HHIPL1: variants seen among roughly 807,000 people sequenced by gnomAD.
HHIPL1 encodes the protein HHIP like 1, also known as HHIP-like protein 1.
HHIPL1 carries 43 observed loss-of-function variants against 61.8 expected under a neutral mutation model. The ratio of observed to expected loss-of-function variants is 0.70; its 90% CI spans 0.55 to 0.90. The LOEUF is 0.90. Ranked by LOEUF, HHIPL1 falls within the 40% of genes least tolerant of loss-of-function variation. The probability of loss-of-function intolerance (pLI) is 0.00; values close to 1 mark genes in which losing one functional copy is unlikely to be tolerated. For missense variants in HHIPL1, 1,056 were observed against 1,157.7 expected, an observed-to-expected ratio of 0.91 and a Z score of 1.28; for synonymous variants, 482 against 515.8, an observed-to-expected ratio of 0.93 and a Z score of 0.89.
intron 2 of HHIPL1, among the ~76,000 whole-genome samples, chr14:99,654,751 C>A (rs183731369): frequency 3.5e-4 from 53 of 152,300 alleles, no homozygotes; most frequent in Middle Eastern, 3.4e-3. Context: ...TGACTATGAG[C>A]TTCCTGGCAG....
intron 2 of HHIPL1, among the ~76,000 whole-genome samples, chr14:99,655,138 G>C (rs778929742): frequency 6.6e-6 from 1 of 152,114 alleles, no homozygotes; most frequent in Non-Finnish European, 1.5e-5. Flanking sequence ...TCCCAATGCC[G>C]GGTGGATGAC....
intron 1 of HHIPL1, 31 bp downstream of exon 1, chr14:99,645,493 G>C: frequency 7.9e-7 from 1 of 1,260,986 alleles, no homozygotes; most frequent in Non-Finnish European, 9.9e-7. Context: ...CGGGCGGGGC[G>C]GGGCGCGGGA....
chr14:99,663,333 G>A (rs1056354179), intron 6 of HHIPL1, among the ~76,000 whole-genome samples: 4 of 152,216 alleles, frequency 2.6e-5, no homozygotes, highest in Non-Finnish European at 5.9e-5. Context: ...GCTGCTGGTT[G>A]CCCACTTTTA....
the HHIPL1 span, among the ~76,000 whole-genome samples, chr14:99,634,216 G>A: frequency 6.6e-6 from 1 of 152,148 alleles, no homozygotes; most frequent in African/African-American, 2.4e-5. Flanking sequence ...GTCTGTGCAA[G>A]TGTGTGCACT....
chr14:99,615,033 G>A, the HHIPL1 span, among the ~76,000 whole-genome samples: 1 of 152,080 alleles, frequency 6.6e-6, no homozygotes, highest in African/African-American at 2.4e-5. Context: ...ACCATGGTGC[G>A]TAGAGTGCGG....
the HHIPL1 span, among the ~76,000 whole-genome samples, chr14:99,623,268 C>G: frequency 1.3e-5 from 2 of 152,198 alleles, no homozygotes; most frequent in East Asian, 3.8e-4. Flanking sequence ...GCCTATTACC[C>G]TTTAAGGCTG....
At chr14:99,638,580 G>A in the HHIPL1 span, among the ~76,000 whole-genome samples, 1 of 152,186 alleles carries the variant, frequency 6.6e-6, no homozygotes, top group Non-Finnish European at 1.5e-5. Context: ...CACACCCTCA[G>A]GCCCCAGAGG....
At chr14:99,651,010 A>G (rs1444527077) in intron 1 of HHIPL1, among the ~76,000 whole-genome samples, 1 of 152,196 alleles carries the variant, frequency 6.6e-6, no homozygotes, top group Admixed American at 6.5e-5. Context: ...GCACTATGGG[A>G]GGCTGAAGCG....
At chr14:99,649,953 G>A (rs953036180) in intron 1 of HHIPL1, among the ~76,000 whole-genome samples, 6 of 152,216 alleles carry the variant, frequency 3.9e-5, no homozygotes, top group East Asian at 3.9e-4. Context: ...CACACACGGC[G>A]GCCTGAGGCC....
chr14:99,640,575 G>T (rs1267596131), upstream of HHIPL1, among the ~76,000 whole-genome samples: 1 of 152,180 alleles, frequency 6.6e-6, no homozygotes, highest in African/African-American at 2.4e-5. Flanking sequence ...GTGAGCCACT[G>T]TGCCCAGCTG....
intron 6 of HHIPL1, among the ~76,000 whole-genome samples, chr14:99,663,350 T>C (rs2056186045): frequency 6.6e-6 from 1 of 152,194 alleles, no homozygotes; most frequent in African/African-American, 2.4e-5. Context: ...TTTATGATTA[T>C]TTCTTGATGA....
chr14:99,616,024 A>G, the HHIPL1 span, among the ~76,000 whole-genome samples: 2 of 152,244 alleles, frequency 1.3e-5, no homozygotes, highest in Non-Finnish European at 2.9e-5. Flanking sequence ...AGGCCATACC[A>G]TGGCTCAGCT....
chr14:99,621,691 C>G, the HHIPL1 span, among the ~76,000 whole-genome samples: 3 of 137,224 alleles, frequency 2.2e-5, no homozygotes, highest in South Asian at 7.2e-4. Context: ...AGAGGATTCC[C>G]TTTTTTTCTT....
At chr14:99,651,381 C>T (rs778470421) in intron 1 of HHIPL1, among the ~76,000 whole-genome samples, 4 of 152,128 alleles carry the variant, frequency 2.6e-5, no homozygotes, top group Non-Finnish European at 4.4e-5. Flanking sequence ...GTTTCTGGGG[C>T]GTTCTCAGGA....
rs1022113895 is a variant in HHIPL1 at position 99,677,813 on chromosome 14, G to C, written c.*2187G>C. 2 of 151,994 alleles carry C rather than the reference G, an allele frequency of 1.3e-5. No homozygotes were observed. The highest frequency in any genetic ancestry group is 4.8e-5 in the African/African-American group (2 of 41,332). The allele number at this position is 151,994 out of a possible 1,614,324, so 9.4% of individuals were successfully genotyped here. A position where few individuals can be genotyped will look rare whatever the true frequency, so the allele number is the denominator to read the frequency against. On this transcript the variant is annotated 3_prime_UTR_variant, in exon 9 of 9. Transcript: ENST00000330710. This position sits in a 1 kb window ranked among gnomAD's most constrained non-coding sequence, Gnocchi z 4.3. ...CCTCCAGTACTTCTCTGGGCAGTTC[G>C]GGCTTTGGCCTTCAGTCTTCCAGGC...
the HHIPL1 span, among the ~76,000 whole-genome samples, chr14:99,606,625 A>T: frequency 6.6e-6 from 1 of 152,182 alleles, no homozygotes; most frequent in East Asian, 1.9e-4. Flanking sequence ...ACTTCCAAGA[A>T]GAAAGTGAAG....
At chr14:99,631,941 T>C in the HHIPL1 span, among the ~76,000 whole-genome samples, 1 of 152,066 alleles carries the variant, frequency 6.6e-6, no homozygotes, top group Non-Finnish European at 1.5e-5. Context: ...GGGGTGGGGC[T>C]CTAAGCAGAA....
chr14:99,611,744 T>G, the HHIPL1 span, among the ~76,000 whole-genome samples: 4 of 151,222 alleles, frequency 2.6e-5, no homozygotes, highest in East Asian at 1.9e-4. Flanking sequence ...TTGGGTTGTT[T>G]TTTTTTTTTC....
the HHIPL1 span, among the ~76,000 whole-genome samples, chr14:99,615,659 A>G: frequency 1.1e-3 from 94 of 84,158 alleles, 2 homozygotes; most frequent in Admixed American, 1.9e-3. Context: ...GAGAGAGAGA[A>G]AGAAAGAAAA....
Sources: gnomAD v4.1 joint callset for allele counts (sites outside exome capture counted in the v4.1 genomes callset) on GRCh38, gnomAD v4.1.1 for gene constraint, Gnocchi (gnomAD v3.1) non-coding constraint, MANE v1.5 for transcripts, NCBI Gene and HGNC (gene_info 2026-07-23, HGNC 2026-07-21) for gene names.